The following GRIP1 variants were observed in gnomAD, a reference collection of about 807,000 sequenced individuals.
The protein encoded by GRIP1 is glutamate receptor interacting protein 1, also known as glutamate receptor-interacting protein 1.
In GRIP1, 45 loss-of-function variants were observed where a neutral mutation model predicts 129.9. The ratio of observed to expected loss-of-function variants is 0.35; its 90% CI spans 0.27 to 0.44. GRIP1 has a LOEUF of 0.44. Ranked by LOEUF, GRIP1 falls within the 20% of genes least tolerant of loss-of-function variation. The probability of loss-of-function intolerance (pLI) is 1.00; values close to 1 mark genes in which losing one functional copy is unlikely to be tolerated. For synonymous variants in GRIP1, 530 were observed against 520.8 expected (o/e 1.02, Z -0.24); for missense variants, 1,196 against 1,396.8 (o/e 0.86, Z 2.29).
At chr12:66,872,226 A>G (rs879656964) in intron 1 of GRIP1, among the ~76,000 whole-genome samples, 11 of 152,028 alleles carry the variant, frequency 7.2e-5, no homozygotes, top group Non-Finnish European at 1.2e-4. Flanking sequence ...GACAAGCTTT[A>G]GGGGGAGTCC....
intron 1 of GRIP1, among the ~76,000 whole-genome samples, chr12:66,810,228 T>C (rs143451081): frequency 1.3e-5 from 2 of 152,280 alleles, no homozygotes; most frequent in East Asian, 3.9e-4. Context: ...TATTAGCTTC[T>C]AGGCTCAAAT....
chr12:66,401,590 A>ATG (rs1391631787), intron 16 of GRIP1, among the ~76,000 whole-genome samples: 1 of 45,046 alleles, frequency 2.2e-5, no homozygotes, highest in Non-Finnish European at 4.6e-5. Flanking sequence ...AAAAAAAAAA[A>ATG]TATGTGTGTA....
At chr12:66,984,489 CT>C (rs2042282463) in intron 1 of GRIP1, among the ~76,000 whole-genome samples, 2 of 152,170 alleles carry the variant, frequency 1.3e-5, no homozygotes, top group Non-Finnish European at 2.9e-5. Flanking sequence ...TGAGTGCTTA[CT>C]GTGTGCCAGG....
At chr12:66,591,429 G>A (rs2063841949) in intron 2 of GRIP1, among the ~76,000 whole-genome samples, 1 of 152,148 alleles carries the variant, frequency 6.6e-6, no homozygotes. Context: ...GAGCTTGTGA[G>A]GATACAGGGA....
At chr12:66,558,650 C>T (rs971444337) in intron 2 of GRIP1, among the ~76,000 whole-genome samples, 2 of 152,088 alleles carry the variant, frequency 1.3e-5, no homozygotes, top group African/African-American at 4.8e-5. Flanking sequence ...TCTGAACTGA[C>T]CATAACTCAT....
chr12:66,917,306 C>A (rs1450180225), intron 1 of GRIP1, among the ~76,000 whole-genome samples: 1 of 152,158 alleles, frequency 6.6e-6, no homozygotes, highest in Non-Finnish European at 1.5e-5. Context: ...TCTACACTTG[C>A]CTAATACATT....
chr12:66,371,859 C>T lies in GRIP1; in HGVS notation c.2847G>A (p.Gly949=). 6.2e-7 allele frequency: 1 copy of T among 1,613,660 alleles called. No homozygotes were observed. Among genetic ancestry groups the T allele is most frequent in the South Asian group, 1.1e-5 (1 of 91,062 alleles). ...HEAPTPRSQL[G]RQASFQERSS... ...TGCGCTCCTGGAAGCTGGCCTGTCGCCCCAGCTGACTGCGAGGTGTTGGAG... is the reference window on the plus strand; with the variant it reads ...TGCGCTCCTGGAAGCTGGCCTGTCGTCCCAGCTGACTGCGAGGTGTTGGAG... Residue 949 remains glycine (G), a synonymous_variant, in exon 23 of 25, where the codon GGG becomes GGA. Coordinates refer to ENST00000359742, the MANE Select transcript of GRIP1 (RefSeq NM_001366722.1).
chr12:67,050,672 A>G (rs2043329889), intron 1 of GRIP1, among the ~76,000 whole-genome samples: 1 of 152,158 alleles, frequency 6.6e-6, no homozygotes. Context: ...TTCAAGTCCC[A>G]AATGTCACTA....
chr12:66,874,285 A>C lies in GRIP1; in HGVS notation c.58+194765T>G, dbSNP rs557411919. Among the ~76,000 whole-genome samples, 13 of 152,190 alleles carry C rather than the reference A, an allele frequency of 8.5e-5. No individual in the cohort carries two copies. In the East Asian group the frequency reaches 2.5e-3, roughly 29 times the overall value. On this transcript the variant is annotated intron_variant, in intron 1 of 1. Transcript: ENST00000643019. ...GATTCTGCCCCAGTACATTTACATA[A>C]TTGTTGCACAACAAGTGTCTGTTGA...
intron 5 of GRIP1, among the ~76,000 whole-genome samples, chr12:66,527,629 C>G (rs1217395373): frequency 6.6e-6 from 1 of 151,932 alleles, no homozygotes; most frequent in Non-Finnish European, 1.5e-5. Context: ...ACATATGTAA[C>G]AAACCTGTAC....
At position 66,371,890 on chromosome 12, in the gene GRIP1, T is replaced by G; in HGVS notation, c.2816A>C (p.His939Pro). The change falls in exon 23 of 25, where the codon CAT becomes CCT. Residue 939 changes from histidine to proline, a missense_variant. His to Pro is a moderately conservative substitution (Grantham distance 77, BLOSUM62 -2). Transcript: ENST00000359742. ...IMSGSTMSLN[H>P]EAPTPRSQLG... ...CTGACTGCGAGGTGTTGGAGCCTCA[T>G]GATTCAAACTCATCGTGCTCCCCGA... The G allele has an allele frequency of 6.2e-7, 1 of 1,612,966 alleles. No homozygotes were observed. Among genetic ancestry groups the G allele is most frequent in the South Asian group, 1.1e-5 (1 of 91,054 alleles).
At chr12:66,797,306 C>T (rs139768934) in intron 1 of GRIP1, among the ~76,000 whole-genome samples, 18 of 152,248 alleles carry the variant, frequency 1.2e-4, no homozygotes, top group Middle Eastern at 3.4e-3. Context: ...CTAAGCGGAA[C>T]GTCATCTGTC....
At chr12:66,891,917 C>T (rs746568274) in intron 1 of GRIP1, 4 of 152,148 alleles carry the variant, frequency 2.6e-5, no homozygotes, top group African/African-American at 4.8e-5. Context: ...TGGGACATAG[C>T]GAGAAATTCC....
intron 1 of GRIP1, among the ~76,000 whole-genome samples, chr12:66,671,722 A>G (rs1449454999): frequency 6.6e-6 from 1 of 152,128 alleles, no homozygotes; most frequent in African/African-American, 2.4e-5. Context: ...TGGTTTTTAG[A>G]TATTACGGTA....
At chr12:66,564,946 C>T (rs370886152) in intron 2 of GRIP1, among the ~76,000 whole-genome samples, 6,908 of 104,726 alleles carry the variant, frequency 0.066, no homozygotes, top group African/African-American at 0.087. Context: ...TGTCTGTTCA[C>T]ACCCTTCACC....
chr12:66,967,147 C>T (rs1426639216), intron 1 of GRIP1, among the ~76,000 whole-genome samples: 1 of 152,074 alleles, frequency 6.6e-6, no homozygotes, highest in Non-Finnish European at 1.5e-5. Context: ...CCTTGCATCC[C>T]ACAATTTTTT....
At chr12:66,835,850 A>G (rs1407725996) in intron 1 of GRIP1, among the ~76,000 whole-genome samples, 1 of 152,164 alleles carries the variant, frequency 6.6e-6, no homozygotes, top group East Asian at 1.9e-4. Flanking sequence ...AACCTACAGA[A>G]TGGACAACAC....
intron 16 of GRIP1, among the ~76,000 whole-genome samples, chr12:66,404,700 A>G (rs1363744451): frequency 1.3e-5 from 2 of 152,148 alleles, no homozygotes; most frequent in Non-Finnish European, 2.9e-5. Flanking sequence ...TGAAAACAAA[A>G]TCCAATGGTT....
chr12:66,750,652 C>T (rs944008653), intron 1 of GRIP1, among the ~76,000 whole-genome samples: 9 of 152,164 alleles, frequency 5.9e-5, no homozygotes, highest in Admixed American at 5.9e-4. Context: ...AGGTTTGACA[C>T]TGTGCAGCTT....
Sources: gnomAD v4.1 joint callset for allele counts (sites outside exome capture counted in the v4.1 genomes callset) on GRCh38, gnomAD v4.1.1 for gene constraint, MANE v1.5 for transcripts, NCBI Gene and HGNC (gene_info 2026-07-23, HGNC 2026-07-21) for gene names.